CHPT1: variants seen among roughly 807,000 people sequenced by gnomAD.
The protein encoded by CHPT1 is cholinephosphotransferase 1.
Under a neutral mutation model 47.6 loss-of-function variants are expected in CHPT1, and 36 were observed. That is an observed-to-expected ratio of 0.76 (90% CI 0.58 to 1.00). The LOEUF (loss-of-function observed/expected upper bound fraction) is 1.00. CHPT1 is among the 50% of genes least tolerant of loss of function. The probability of loss-of-function intolerance (pLI) is 0.00; values close to 1 mark genes in which losing one functional copy is unlikely to be tolerated. For synonymous variants in CHPT1, 194 were observed against 186.3 expected (o/e 1.04, Z -0.33); for missense variants, 458 against 498.1 (o/e 0.92, Z 0.77).
chr12:101,721,753 C>A (rs1227889468), intron 5 of CHPT1, among the ~76,000 whole-genome samples: 1 of 152,086 alleles, frequency 6.6e-6, no homozygotes, highest in Non-Finnish European at 1.5e-5. Context: ...TAGTAATGAT[C>A]ATTGTCTACT....
intron 1 of CHPT1, among the ~76,000 whole-genome samples, chr12:101,713,292 T>TATTTA (rs1951719564): frequency 1.3e-5 from 2 of 152,100 alleles, no homozygotes; most frequent in Non-Finnish European, 1.5e-5. Context: ...CCTTTGTTAG[T>TATTTA]TTCATCTCAT....
chr12:101,714,017 A>G, intron 1 of CHPT1, 73 bp from the exon 2 acceptor site: 4 of 933,694 alleles, frequency 4.3e-6, no homozygotes, highest in Non-Finnish European at 6.5e-6. Context: ...CAAAGTGTGA[A>G]GCCTTAGGTT....
At position 101,697,643 on chromosome 12, in the gene CHPT1, C is replaced by T. The variant is rs11110965; in HGVS notation, c.-219C>T. 13,942 of 160,188 alleles carry T rather than the reference C, an allele frequency of 0.087. 719 individuals are homozygous for T. The highest frequency in any genetic ancestry group is 0.19 in the South Asian group (951 of 4,890). 9.9% of individuals were successfully genotyped at this position (160,188 alleles called of 1,614,324 possible). A position where few individuals can be genotyped will look rare whatever the true frequency, so the allele number is the denominator to read the frequency against. On this transcript the variant is annotated 5_prime_UTR_variant, in exon 1 of 9. Coordinates refer to ENST00000229266, the MANE Select transcript of CHPT1 (RefSeq NM_020244.3). ...CCGGACCCCTCCCCGAGGCCCCGCC[C>T]CACCCGCGAGCCGCAGCCGCGGCCC...
intron 7 of CHPT1, 115 bp downstream of exon 7, chr12:101,723,962 A>G (rs1951902102): frequency 2.7e-6 from 2 of 753,702 alleles, no homozygotes; most frequent in African/African-American, 3.7e-5. Context: ...CACGCCTGTA[A>G]TCCCAGCACT....
At chr12:101,704,715 A>G (rs2137002185) in intron 1 of CHPT1, among the ~76,000 whole-genome samples, 2 of 130,300 alleles carry the variant, frequency 1.5e-5, no homozygotes, top group South Asian at 5.4e-4. Context: ...TTTTCAAAAT[A>G]CATTAAATTT....
intron 1 of CHPT1, among the ~76,000 whole-genome samples, chr12:101,706,297 C>T (rs1412472513): frequency 2.0e-5 from 3 of 150,264 alleles, no homozygotes; most frequent in Admixed American, 6.7e-5. Flanking sequence ...TTGCAGTGAG[C>T]GAAGATTACA....
At chr12:101,723,444 G>A in intron 6 of CHPT1, 118 bp downstream of exon 6, 2 of 673,048 alleles carry the variant, frequency 3.0e-6, no homozygotes, top group South Asian at 2.2e-5. Context: ...ATAATAATTA[G>A]CTATTTGTGC....
chr12:101,703,231 G>C (rs1452089692), intron 1 of CHPT1, among the ~76,000 whole-genome samples: 1 of 152,196 alleles, frequency 6.6e-6, no homozygotes, highest in Non-Finnish European at 1.5e-5. Context: ...GTGGATGATA[G>C]ATTTGGCCTC....
chr12:101,711,286 G>T (rs1378659335), intron 1 of CHPT1, among the ~76,000 whole-genome samples: 1 of 148,776 alleles, frequency 6.7e-6, no homozygotes, highest in African/African-American at 2.4e-5. Flanking sequence ...AACAGCCTAA[G>T]TGTCTGTTAA....
intron 1 of CHPT1, among the ~76,000 whole-genome samples, chr12:101,702,652 T>A (rs531995350): frequency 2.6e-5 from 4 of 152,154 alleles, no homozygotes; most frequent in South Asian, 4.2e-4. Flanking sequence ...GACTTTTTTT[T>A]ATAGGTTTGA....
intron 1 of CHPT1, among the ~76,000 whole-genome samples, chr12:101,702,389 A>G (rs532512169): frequency 3.3e-5 from 5 of 152,342 alleles, no homozygotes; most frequent in South Asian, 2.1e-4. Context: ...GCATTAATTA[A>G]TGCATTTCTT....
At chr12:101,714,267 T>C (rs780424743) in intron 2 of CHPT1, 30 bp downstream of exon 2, 1 of 1,529,252 alleles carries the variant, frequency 6.5e-7, no homozygotes, top group South Asian at 1.3e-5. Context: ...TATTTTTTTA[T>C]GATACCTTAA....
At chr12:101,701,794 C>T (rs1043662504) in intron 1 of CHPT1, among the ~76,000 whole-genome samples, 2 of 152,128 alleles carry the variant, frequency 1.3e-5, no homozygotes, top group African/African-American at 4.8e-5. Flanking sequence ...AGAAAACAAA[C>T]ATTTGTTTGT....
rs548010948 is a variant in CHPT1, at chr12:101,712,752, C to T, written c.274-1338C>T. Among the ~76,000 whole-genome samples, 13 of 148,462 alleles carry T rather than the reference C, an allele frequency of 8.8e-5. 2 individuals carry two copies. The South Asian group carries it at 2.8e-3, about 32-fold the overall frequency. On this transcript the variant is annotated intron_variant, in intron 1 of 8. Coordinates refer to ENST00000229266, the MANE Select transcript of CHPT1 (RefSeq NM_020244.3). ...GGAGATTTCACTTGAGTCTTTTCTT[C>T]CATTTCTGTTTATAATTTTCCTGTT...
chr12:101,703,922 TAA>T (rs2137000770), intron 1 of CHPT1, among the ~76,000 whole-genome samples: 1 of 152,342 alleles, frequency 6.6e-6, no homozygotes, highest in South Asian at 2.1e-4. Context: ...AAAAAAATCT[TAA>T]GAGTCACCTG....
At chr12:101,713,993 C>T in intron 1 of CHPT1, 97 bp from the exon 2 acceptor site, 1 of 697,608 alleles carries the variant, frequency 1.4e-6, no homozygotes, top group Non-Finnish European at 2.4e-6. Flanking sequence ...TTCTTTATAA[C>T]ACACGGGGTG....
chr12:101,725,945 A>G (rs987500296), intron 7 of CHPT1, among the ~76,000 whole-genome samples: 11 of 152,210 alleles, frequency 7.2e-5, no homozygotes, highest in African/African-American at 2.4e-4. Context: ...TTAATTCATT[A>G]TAAGATGACT....
rs559771625 is a variant in CHPT1, at chr12:101,698,463, C to T, written c.273+329C>T. ...AGCCGCTATCCCATGCGGCGCCAACCTGTGAGACGGACCCGCGGTCGGGTG... is the reference window on the plus strand; with the variant it reads ...AGCCGCTATCCCATGCGGCGCCAACTTGTGAGACGGACCCGCGGTCGGGTG... On this transcript the variant is annotated intron_variant, in intron 1 of 8. Transcript: ENST00000229266. Among the ~76,000 whole-genome samples the T allele has an allele frequency of 8.1e-4, 124 of 152,378 alleles. 1 individual carries two copies. The highest frequency in any genetic ancestry group is 5.1e-4 in the Non-Finnish European group (35 of 68,036).
intron 5 of CHPT1, among the ~76,000 whole-genome samples, chr12:101,722,297 ATT>A: frequency 6.6e-6 from 1 of 152,116 alleles, no homozygotes; most frequent in Non-Finnish European, 1.5e-5. Flanking sequence ...TATTACTGTA[ATT>A]TTATAGTAAG....
Sources: allele counts gnomAD v4.1 joint callset (sites outside exome capture counted in the v4.1 genomes callset), GRCh38; gene constraint gnomAD v4.1.1; transcripts MANE v1.5; gene names NCBI Gene and HGNC (gene_info 2026-07-23, HGNC 2026-07-21).